Variants in ADGRB3 observed in about 807,000 individuals in gnomAD.
ADGRB3 encodes brain-specific angiogenesis inhibitor 3.
Under a neutral mutation model 193.4 loss-of-function variants are expected in ADGRB3, and 37 were observed. The ratio of observed to expected loss-of-function variants is 0.19; its 90% CI spans 0.15 to 0.25. The LOEUF is 0.25. Among genes scored for constraint, ADGRB3 ranks in the 10% least tolerant of loss-of-function variants. The pLI, the probability that ADGRB3 is intolerant of heterozygous loss-of-function variation, is 1.00. For missense variants in ADGRB3, 1,637 were observed against 1,852.9 expected (o/e 0.88, Z 2.14); for synonymous variants, 690 against 644.2 (o/e 1.07, Z -1.08).
chr6:68,759,658 A>G (rs1008129167), intron 3 of ADGRB3, among the ~76,000 whole-genome samples: 6 of 152,070 alleles, frequency 3.9e-5, no homozygotes, highest in African/African-American at 1.4e-4. Flanking sequence ...TTAATGCAAG[A>G]TATTTCAAAT....
intron 3 of ADGRB3, among the ~76,000 whole-genome samples, chr6:68,743,646 A>T (rs1203390301): frequency 6.6e-6 from 1 of 152,118 alleles, no homozygotes; most frequent in East Asian, 1.9e-4. Context: ...AGGAAATAGA[A>T]ATTCCCCAAA....
At chr6:69,304,619 A>G (rs933533012) in intron 20 of ADGRB3, among the ~76,000 whole-genome samples, 3 of 151,558 alleles carry the variant, frequency 2.0e-5, no homozygotes, top group African/African-American at 7.3e-5. Context: ...TGTCAAAGTT[A>G]TATGTCCAAT....
intron 30 of ADGRB3, among the ~76,000 whole-genome samples, chr6:69,378,878 T>A (rs779829956): frequency 2.3e-4 from 35 of 152,058 alleles, no homozygotes; most frequent in Non-Finnish European, 4.4e-4. Context: ...ATCTGAAATA[T>A]GATGAATGTG....
At chr6:69,363,379 A>G (rs1769493622) in intron 29 of ADGRB3, among the ~76,000 whole-genome samples, 1 of 152,044 alleles carries the variant, frequency 6.6e-6, no homozygotes, top group Non-Finnish European at 1.5e-5. Flanking sequence ...AAGAGAATAT[A>G]TAGATGTGGG....
At chr6:68,857,779 C>G (rs988899428) in intron 3 of ADGRB3, among the ~76,000 whole-genome samples, 2 of 151,990 alleles carry the variant, frequency 1.3e-5, no homozygotes, top group African/African-American at 4.8e-5. Context: ...TTGGGAGGAG[C>G]CAGGGGCAGA....
chr6:68,766,818 A>G (rs1035372460), intron 3 of ADGRB3, among the ~76,000 whole-genome samples: 1 of 152,032 alleles, frequency 6.6e-6, no homozygotes, highest in African/African-American at 2.4e-5. Context: ...TTTATGCTGC[A>G]AATATATAGT....
intron 3 of ADGRB3, among the ~76,000 whole-genome samples, chr6:68,883,565 C>T (rs1489334132): frequency 1.3e-5 from 2 of 152,106 alleles, no homozygotes; most frequent in East Asian, 3.9e-4. Context: ...TCAGCGAGAC[C>T]ACGAACTCAC....
At position 68,984,406 on chromosome 6, in the gene ADGRB3, A is replaced by G. The variant is rs539243592; in HGVS notation, c.1734+9066A>G. 5.3e-5 allele frequency among the ~76,000 whole-genome samples: 8 copies of G among 152,298 alleles called. No homozygotes were observed. In the East Asian group the frequency reaches 1.5e-3, roughly 29 times the overall value. ...TTTTGGGTTGTCAAAGGTTGTTTCT[A>G]TTAAATCTGGAGAATGTAATTGGAT... On this transcript the variant is annotated intron_variant, in intron 10 of 31. Coordinates refer to ENST00000370598, the MANE Select transcript of ADGRB3 (RefSeq NM_001704.3).
chr6:69,266,498 G>T (rs1561971181), intron 20 of ADGRB3, among the ~76,000 whole-genome samples: 1 of 151,904 alleles, frequency 6.6e-6, no homozygotes, highest in Non-Finnish European at 1.5e-5. Context: ...GTCCACAAAA[G>T]ATTTATTATG....
At chr6:68,977,070 T>C (rs541517354) in intron 10 of ADGRB3, among the ~76,000 whole-genome samples, 1 of 149,064 alleles carries the variant, frequency 6.7e-6, no homozygotes, top group South Asian at 2.1e-4. Flanking sequence ...TTATATATTA[T>C]ATGCAGATAT....
chr6:68,660,353 G>T (rs7768160), intron 3 of ADGRB3, among the ~76,000 whole-genome samples: 1 of 146,940 alleles, frequency 6.8e-6, no homozygotes, highest in Admixed American at 6.8e-5. Context: ...TTAGTATGTT[G>T]ATACTTTGGG....
At chr6:68,897,864 A>G (rs6922823) in intron 3 of ADGRB3, among the ~76,000 whole-genome samples, 98,182 of 138,456 alleles carry the variant, frequency 0.71, 33,375 homozygotes, top group Middle Eastern at 0.82. Flanking sequence ...AACAAAAGAA[A>G]AAAGAAAGAA....
chr6:69,244,738 A>G (rs760387982), intron 20 of ADGRB3, among the ~76,000 whole-genome samples: 1 of 151,998 alleles, frequency 6.6e-6, no homozygotes, highest in Non-Finnish European at 1.5e-5. Context: ...TAGTTGTGTG[A>G]TCTTAAGCAT....
At chr6:69,223,399 G>T (rs1039221091) in intron 17 of ADGRB3, among the ~76,000 whole-genome samples, 2 of 152,046 alleles carry the variant, frequency 1.3e-5, no homozygotes, top group Non-Finnish European at 2.9e-5. Flanking sequence ...TCAGTTTGAT[G>T]TCTCAACAGT....
rs561726231 is a variant in ADGRB3 at position 69,122,374 on chromosome 6, G to A, written c.2480+46336G>A. Among the ~76,000 whole-genome samples, 110 of 149,756 alleles carry A rather than the reference G, an allele frequency of 7.3e-4. 1 individual carries two copies. Among genetic ancestry groups the A allele is most frequent in the Non-Finnish European group, 1.1e-3 (75 of 67,552 alleles). On this transcript the variant is annotated intron_variant, in intron 17 of 31. Coordinates refer to ENST00000370598, the MANE Select transcript of ADGRB3 (RefSeq NM_001704.3). ...TGAGGCAGGAGAACCACGGGAGCCC[G>A]GGGCAGGGAGGCTGCAGCCAGCCAA...
intron 11 of ADGRB3, among the ~76,000 whole-genome samples, chr6:68,994,887 G>A (rs1354427579): frequency 6.6e-6 from 1 of 151,948 alleles, no homozygotes; most frequent in African/African-American, 2.4e-5. Context: ...GTTTTGTTTT[G>A]TTTTGTTTTG....
intron 17 of ADGRB3, chr6:69,233,080 G>A (rs759033729): frequency 6.2e-6 from 4 of 645,032 alleles, no homozygotes; most frequent in African/African-American, 1.9e-5. Flanking sequence ...TCTGCACGCC[G>A]CACCGCCGCC....
chr6:68,713,039 G>A (rs1765431636), intron 3 of ADGRB3, among the ~76,000 whole-genome samples: 1 of 151,792 alleles, frequency 6.6e-6, no homozygotes, highest in Admixed American at 6.6e-5. Context: ...ATTTAATGCT[G>A]CCTTGTTCTG....
chr6:68,760,159 A>T (rs1008218168), intron 3 of ADGRB3, among the ~76,000 whole-genome samples: 4 of 152,214 alleles, frequency 2.6e-5, no homozygotes, highest in Non-Finnish European at 5.9e-5. Context: ...GCATAATGAA[A>T]ATCACTTATT....
Sources: gnomAD v4.1 joint callset for allele counts (sites outside exome capture counted in the v4.1 genomes callset) on GRCh38, gnomAD v4.1.1 for gene constraint, MANE v1.5 for transcripts, NCBI Gene and HGNC (gene_info 2026-07-23, HGNC 2026-07-21) for gene names.